The following RAB30 variants were observed in gnomAD, a reference collection of about 807,000 sequenced individuals.
RAB30 encodes ras-related protein Rab-30.
Under a neutral mutation model 25.1 loss-of-function variants are expected in RAB30, and 9 were observed. That is an observed-to-expected ratio of 0.36 (90% CI 0.22 to 0.63). The LOEUF (loss-of-function observed/expected upper bound fraction) is 0.63. Ranked by LOEUF, RAB30 falls within the 20% of genes least tolerant of loss-of-function variation. RAB30 has a pLI of 0.69. For synonymous variants in RAB30, 77 were observed against 86.4 expected, an observed-to-expected ratio of 0.89 and a Z score of 0.60; for missense variants, 140 against 243.5, an observed-to-expected ratio of 0.58 and a Z score of 2.83.
intron 1 of RAB30, among the ~76,000 whole-genome samples, chr11:83,045,354 C>A (rs1289325864): frequency 1.3e-5 from 2 of 152,074 alleles, no homozygotes; most frequent in African/African-American, 4.8e-5. Context: ...TGGTCTCGAA[C>A]TCCTGAGCTA....
intron 1 of RAB30, among the ~76,000 whole-genome samples, chr11:83,058,568 T>C (rs746089447): frequency 1.3e-5 from 2 of 152,268 alleles, no homozygotes; most frequent in Non-Finnish European, 2.9e-5. Flanking sequence ...GTTCTGTATC[T>C]TTGGCAGGAA....
intron 1 of RAB30, among the ~76,000 whole-genome samples, chr11:83,005,519 T>C (rs1241694663): frequency 6.6e-6 from 1 of 152,226 alleles, no homozygotes; most frequent in Non-Finnish European, 1.5e-5. Context: ...AGTGCCTGGA[T>C]TCAAAACCCA....
At chr11:82,988,958 GC>G (rs1388479306) in intron 3 of RAB30, among the ~76,000 whole-genome samples, 3 of 134,820 alleles carry the variant, frequency 2.2e-5, no homozygotes, top group African/African-American at 8.4e-5. Flanking sequence ...CACCTGACAT[GC>G]CTGAATCATT....
At chr11:82,987,412 C>T in intron 4 of RAB30, 175 bp downstream of exon 4, 1 of 516,662 alleles carries the variant, frequency 1.9e-6, no homozygotes, top group Non-Finnish European at 3.1e-6. Context: ...TAAACTGTCA[C>T]CATGGGATAG....
Position 82,982,276 on chromosome 11 carries a change from T to C in RAB30, c.501A>G (p.Ala167=), listed in dbSNP as rs774599684. The change falls in exon 5 of 5, where the codon GCA becomes GCG. Residue 167 remains alanine, a synonymous_variant. Transcript: ENST00000527633. ...DNVEKLFLDL[A]CRLISEARQN... ...GTCTGGCTTCACTGATGAGTCGGCA[T>C]GCTAAGTCAAGGAAGAGTTTCTCCA... 20 of 1,614,276 alleles carry C rather than the reference T, an allele frequency of 1.2e-5. No homozygotes were observed. In the South Asian group the frequency reaches 2.2e-4, roughly 18 times the overall value.
chr11:82,988,533 G>C (rs944595509), intron 3 of RAB30, among the ~76,000 whole-genome samples: 4 of 152,170 alleles, frequency 2.6e-5, no homozygotes, highest in Non-Finnish European at 5.9e-5. Context: ...TTTGGGCTTT[G>C]ATTATTTCTT....
chr11:83,048,682 G>A (rs1858286899), intron 1 of RAB30, among the ~76,000 whole-genome samples: 2 of 152,302 alleles, frequency 1.3e-5, no homozygotes, highest in South Asian at 4.1e-4. Flanking sequence ...CCTTGGGGTT[G>A]TCTAGCCAAT....
At chr11:83,058,707 T>C (rs1284966276) in intron 1 of RAB30, among the ~76,000 whole-genome samples, 1 of 152,266 alleles carries the variant, frequency 6.6e-6, no homozygotes, top group South Asian at 2.1e-4. Flanking sequence ...TTGTAACTTG[T>C]AATTTCCTTG....
chr11:83,043,093 T>C (rs1359362306), intron 1 of RAB30, among the ~76,000 whole-genome samples: 1 of 152,214 alleles, frequency 6.6e-6, no homozygotes, highest in Non-Finnish European at 1.5e-5. Context: ...TTTGCAGTTA[T>C]TCCCATCAAG....
intron 3 of RAB30, among the ~76,000 whole-genome samples, chr11:82,991,371 G>A (rs759792156): frequency 3.1e-4 from 47 of 151,958 alleles, no homozygotes; most frequent in Non-Finnish European, 5.3e-4. Flanking sequence ...GCTGGGCATG[G>A]TGGCACACAC....
intron 1 of RAB30, among the ~76,000 whole-genome samples, chr11:83,048,046 T>C (rs142998170): frequency 3.0e-4 from 45 of 152,170 alleles, no homozygotes; most frequent in Admixed American, 5.9e-4. Context: ...GAGTTTGAGA[T>C]TGGCCTTAGC....
At position 82,976,619 on chromosome 11, in the gene RAB30, C is replaced by G. The variant is rs777942619; in HGVS notation, c.*5546G>C. 1.3e-5 allele frequency: 2 copies of G among 152,174 alleles called. No individual in the cohort carries two copies. The highest frequency in any genetic ancestry group is 3.8e-4 in the East Asian group (2 of 5,198). 9.4% of individuals were successfully genotyped at this position (152,174 alleles called of 1,614,324 possible). A position where few individuals can be genotyped will look rare whatever the true frequency, so the allele number is the denominator to read the frequency against. On this transcript the variant is annotated 3_prime_UTR_variant, in exon 5 of 5. Transcript: ENST00000527633. ...CCTCAAGAAGTCAAAGAAGTGGTGA[C>G]TAGCCTTTGTGCTCTGACCTCTTGT...
chr11:83,036,245 C>T (rs1232607167), intron 1 of RAB30, among the ~76,000 whole-genome samples: 1 of 151,592 alleles, frequency 6.6e-6, no homozygotes, highest in Non-Finnish European at 1.5e-5. Flanking sequence ...TGGCTCACTG[C>T]AACCTCCACC....
At position 82,993,963 on chromosome 11, in the gene RAB30, A is replaced by G. The variant is rs1218896667; in HGVS notation, c.177+76T>C. 4 of 1,156,658 alleles carry G rather than the reference A, an allele frequency of 3.5e-6. No individual in the cohort carries two copies. The African/African-American group carries it at 6.2e-5, about 18-fold the overall frequency. 71.6% of individuals were successfully genotyped at this position (1,156,658 alleles called of 1,614,324 possible). On this transcript the variant is annotated intron_variant, in intron 3 of 4. Coordinates refer to ENST00000527633, the MANE Select transcript of RAB30 (RefSeq NM_001286060.2). ...TGGGTTTCAATTAGGAGATTTAATAAATGGTTATGAAAGCAGTACTTCCCC... is the reference window on the plus strand; with the variant it reads ...TGGGTTTCAATTAGGAGATTTAATAGATGGTTATGAAAGCAGTACTTCCCC...
At chr11:83,031,770 G>T (rs55646492) in intron 1 of RAB30, among the ~76,000 whole-genome samples, 1 of 152,108 alleles carries the variant, frequency 6.6e-6, no homozygotes, top group Non-Finnish European at 1.5e-5. Context: ...CAGGTGATCC[G>T]CCTGCCTTGG....
At chr11:83,017,453 T>C (rs1052872642) in intron 1 of RAB30, among the ~76,000 whole-genome samples, 2 of 152,168 alleles carry the variant, frequency 1.3e-5, no homozygotes, top group African/African-American at 2.4e-5. Flanking sequence ...TCTTTAGTGA[T>C]AATTTCTGAG....
At position 82,974,949 on chromosome 11, in the gene RAB30, T is replaced by TC. The variant is rs1045534813; in HGVS notation, c.*7215_*7216insG. 3.3e-5 allele frequency: 5 copies of TC among 149,862 alleles called. No homozygotes were observed. Among genetic ancestry groups the TC allele is most frequent in the African/African-American group, 1.2e-4 (5 of 41,094 alleles). The allele number at this position is 149,862 out of a possible 1,614,324, so 9.3% of individuals were successfully genotyped here. ...GAGCAGAGTTTGTTGTTTTTTCTTT[T>TC]TTTTTTTTTTTTTGCTGAAAACAGA... On this transcript the variant is annotated 3_prime_UTR_variant, in exon 5 of 5. Coordinates refer to ENST00000527633, the MANE Select transcript of RAB30 (RefSeq NM_001286060.2).
chr11:83,030,564 G>A (rs1857832810), intron 1 of RAB30, among the ~76,000 whole-genome samples: 1 of 152,018 alleles, frequency 6.6e-6, no homozygotes, highest in Admixed American at 6.6e-5. Context: ...TTAGGAGGCC[G>A]AAGTGGGCAG....
intron 1 of RAB30, among the ~76,000 whole-genome samples, chr11:83,055,724 T>G (rs748040135): frequency 1.1e-4 from 16 of 152,376 alleles, no homozygotes; most frequent in Non-Finnish European, 1.8e-4. Flanking sequence ...TCCATGCTTA[T>G]GAAGGGATTA....
Sources: gnomAD v4.1 joint callset for allele counts (sites outside exome capture counted in the v4.1 genomes callset) on GRCh38, gnomAD v4.1.1 for gene constraint, MANE v1.5 for transcripts, NCBI Gene and HGNC (gene_info 2026-07-23, HGNC 2026-07-21) for gene names.